Variants in PTPRT observed in about 807,000 individuals in gnomAD.
The protein encoded by PTPRT is protein tyrosine phosphatase receptor type T.
In PTPRT, 56 loss-of-function variants were observed where a neutral mutation model predicts 176.8. The ratio of observed to expected loss-of-function variants is 0.32; its 90% confidence interval spans 0.26 to 0.40. The LOEUF (loss-of-function observed/expected upper bound fraction) is 0.40. PTPRT is among the 10% of genes least tolerant of loss of function. The pLI is 1.00. For missense variants in PTPRT, 1,540 were observed against 1,908.2 expected (o/e 0.81, Z 3.60); for synonymous variants, 783 against 739.0 (o/e 1.06, Z -0.96).
At chr20:42,455,957 AT>A (rs2070915359) in intron 8 of PTPRT, among the ~76,000 whole-genome samples, 1 of 152,056 alleles carries the variant, frequency 6.6e-6, no homozygotes, top group South Asian at 2.1e-4. Context: ...TTTTCAAAAA[AT>A]GTTTGGTTTT....
chr20:42,262,611 C>G (rs1055711663), intron 13 of PTPRT, among the ~76,000 whole-genome samples: 18 of 152,232 alleles, frequency 1.2e-4, no homozygotes, highest in African/African-American at 4.1e-4. Flanking sequence ...GGTGCTTGAA[C>G]CATCACAGGC....
rs1355401872 is a variant in PTPRT at position 43,037,575 on chromosome 20, G to A, written c.89-151643C>T. Reference sequence around the variant, plus strand: ...AAAGGACAAAACAGCTTCACTTTGGGATGTTAAAGCTAAAATTGAATACAA... The same window carrying A: ...AAAGGACAAAACAGCTTCACTTTGGAATGTTAAAGCTAAAATTGAATACAA... On this transcript the variant is annotated intron_variant, in intron 1 of 30. Coordinates refer to ENST00000373187, the MANE Select transcript of PTPRT (RefSeq NM_007050.6). 3.3e-5 allele frequency among the ~76,000 whole-genome samples: 5 copies of A among 152,130 alleles called. No individual in the cohort carries two copies. In the East Asian group the frequency reaches 9.6e-4, roughly 29 times the overall value.
At chr20:42,526,956 CTTTTTTTT>C (rs915511549) in intron 7 of PTPRT, among the ~76,000 whole-genome samples, 924 of 78,696 alleles carry the variant, frequency 0.012, 7 homozygotes, top group Middle Eastern at 0.029. Flanking sequence ...GTTCTTTTTT[CTTTTTTTT>C]TTTTTTTTTT....
At chr20:42,404,845 G>T (rs993985635) in intron 9 of PTPRT, among the ~76,000 whole-genome samples, 11 of 151,366 alleles carry the variant, frequency 7.3e-5, no homozygotes, top group African/African-American at 2.4e-4. Context: ...AAAAGCCAAA[G>T]ATATAAAACA....
In PTPRT at chr20:43,091,710, A is replaced by G. The variant is rs1314035062; in HGVS notation, c.88+97936T>C. Among the ~76,000 whole-genome samples the G allele has an allele frequency of 2.0e-5, 3 of 152,192 alleles. No individual in the cohort carries two copies. The East Asian group carries it at 5.8e-4, about 29-fold the overall frequency. On this transcript the variant is annotated intron_variant, in intron 1 of 30. Coordinates refer to ENST00000373187, the MANE Select transcript of PTPRT (RefSeq NM_007050.6). ...ATACAAGAATAAAAGAAGGTTGGGG[A>G]TTCTAGAAAGAGAAGAATTCCAGGA...
chr20:42,979,202 CAT>C (rs1983135408), intron 1 of PTPRT, among the ~76,000 whole-genome samples: 1 of 152,054 alleles, frequency 6.6e-6, no homozygotes, highest in Non-Finnish European at 1.5e-5. Context: ...ATTTTTCTTA[CAT>C]GAGTTGTAAG....
At chr20:42,590,772 G>A (rs1252687480) in intron 7 of PTPRT, among the ~76,000 whole-genome samples, 2 of 152,106 alleles carry the variant, frequency 1.3e-5, no homozygotes, top group East Asian at 1.9e-4. Context: ...AAAAAACTAT[G>A]AGAAAGCCTG....
intron 9 of PTPRT, among the ~76,000 whole-genome samples, chr20:42,431,958 T>C (rs1256000533): frequency 6.6e-6 from 1 of 152,150 alleles, no homozygotes; most frequent in African/African-American, 2.4e-5. Flanking sequence ...AGATAGAACA[T>C]TTATACAGTA....
In PTPRT at chr20:42,677,850, A is replaced by G; in HGVS notation, c.1153+16T>C. ...CAGCCTCTCATAATGGAGCCTGGGA[A>G]AAAAAAAAATCTTACCTGCACACTT... On this transcript the variant is annotated intron_variant, in intron 7 of 30. Transcript: ENST00000373187. The G allele has an allele frequency of 1.3e-6, 2 of 1,596,152 alleles. No homozygotes were observed. Among genetic ancestry groups the G allele is most frequent in the Non-Finnish European group, 1.7e-6 (2 of 1,169,946 alleles).
At chr20:42,985,493 CTAAA>C (rs1038512883) in intron 1 of PTPRT, among the ~76,000 whole-genome samples, 1 of 151,644 alleles carries the variant, frequency 6.6e-6, no homozygotes, top group African/African-American at 2.4e-5. Context: ...GACTCCGTTG[CTAAA>C]TAAATAAATA....
rs748255541 is a variant in PTPRT, at chr20:42,084,730, C to G, written c.4088G>C (p.Trp1363Ser). ...CTCCCTCCCGTCATACTGCTCCTGC[C>G]ACTTCTCCAGTCGTCGGACCACTTT... is the stretch of plus-strand genomic sequence containing the variant. ...LLKVVRRLEK[W>S]QEQYDGREGR... Residue 1363 changes from tryptophan to serine, a missense_variant, in exon 29 of 31, where the codon TGG (tryptophan) becomes TCG (serine). Transcript: ENST00000373187. 6.4e-7 allele frequency: 1 copy of G among 1,570,190 alleles called. No individual in the cohort carries two copies. Among genetic ancestry groups the G allele is most frequent in the Non-Finnish European group, 8.7e-7 (1 of 1,155,264 alleles).
intron 9 of PTPRT, among the ~76,000 whole-genome samples, chr20:42,384,444 T>G (rs1250039350): frequency 6.6e-6 from 1 of 152,110 alleles, no homozygotes; most frequent in East Asian, 1.9e-4. Flanking sequence ...GGTGTTTCCA[T>G]CTAAGGAAAC....
rs910476542 is a variant in PTPRT, at chr20:43,162,619, C to T, written c.88+27027G>A. On this transcript the variant is annotated intron_variant, in intron 1 of 30. Transcript: ENST00000373187. The stretch of plus-strand genomic sequence containing the variant: ...TCTTTGAAGACAAAGAATGGAAGGT[C>T]GGTCTCCATGGTCCATCACTCTGGA... Among the ~76,000 whole-genome samples the T allele has an allele frequency of 2.7e-5, 4 of 150,930 alleles. 1 individual carries two copies. The highest frequency in any genetic ancestry group is 7.2e-5 in the African/African-American group (3 of 41,404).
chr20:43,056,008 C>A (rs985302210), intron 1 of PTPRT, among the ~76,000 whole-genome samples: 2 of 152,190 alleles, frequency 1.3e-5, no homozygotes, highest in Non-Finnish European at 2.9e-5. Context: ...AGACAGAAAT[C>A]TTTGGAATTA....
chr20:42,091,480 T>G (rs1240127345), intron 27 of PTPRT, among the ~76,000 whole-genome samples: 1 of 152,206 alleles, frequency 6.6e-6, no homozygotes, highest in Admixed American at 6.5e-5. Flanking sequence ...TTATTAAAAA[T>G]ACTTTGATAA....
intron 1 of PTPRT, among the ~76,000 whole-genome samples, chr20:42,896,025 T>C (rs908375503): frequency 1.3e-5 from 2 of 152,182 alleles, no homozygotes; most frequent in African/African-American, 4.8e-5. Flanking sequence ...ACGTCTCCCA[T>C]TGTCTGCTAG....
chr20:42,569,751 A>T (rs568445642), intron 7 of PTPRT, among the ~76,000 whole-genome samples: 1 of 152,322 alleles, frequency 6.6e-6, no homozygotes, highest in South Asian at 2.1e-4. Context: ...TTCACACAAG[A>T]TCACTTGGCC....
intron 15 of PTPRT, among the ~76,000 whole-genome samples, chr20:42,205,613 G>C (rs2055436178): frequency 6.6e-6 from 1 of 152,128 alleles, no homozygotes; most frequent in African/African-American, 2.4e-5. Context: ...ACTGGTGGGG[G>C]CAGGAGTCTA....
At chr20:43,040,291 C>T (rs1189305827) in intron 1 of PTPRT, among the ~76,000 whole-genome samples, 1 of 152,190 alleles carries the variant, frequency 6.6e-6, no homozygotes, top group Non-Finnish European at 1.5e-5. Flanking sequence ...ATAAAAACTA[C>T]AACTCTTTTA....
Sources: allele counts gnomAD v4.1 joint callset (sites outside exome capture counted in the v4.1 genomes callset), GRCh38; gene constraint gnomAD v4.1.1; transcripts MANE v1.5; gene names NCBI Gene and HGNC (gene_info 2026-07-23, HGNC 2026-07-21).